Variants in ATRN observed in about 807,000 individuals in gnomAD.
The protein encoded by ATRN is attractin, also known as attractin-2.
ATRN carries 54 observed loss-of-function variants against 178.7 expected under a neutral mutation model. The observed-to-expected ratio is 0.30, with a 90% CI of 0.24 to 0.38. The LOEUF (loss-of-function observed/expected upper bound fraction) is 0.38. Ranked by LOEUF, ATRN falls within the 10% of genes least tolerant of loss-of-function variation. The probability of loss-of-function intolerance (pLI) is 1.00; values close to 1 mark genes in which losing one functional copy is unlikely to be tolerated. For missense variants in ATRN, 1,443 were observed against 1,815.1 expected (o/e 0.79, Z 3.73); for synonymous variants, 636 against 663.0 (o/e 0.96, Z 0.63).
chr20:3,507,786 G>A (rs1408378216), intron 1 of ATRN, among the ~76,000 whole-genome samples: 1 of 146,696 alleles, frequency 6.8e-6, no homozygotes, highest in African/African-American at 2.5e-5. Context: ...CCAGGTTCAA[G>A]CAATTCTCCT....
At chr20:3,609,072 C>T (rs2086722276) in intron 24 of ATRN, among the ~76,000 whole-genome samples, 1 of 151,146 alleles carries the variant, frequency 6.6e-6, no homozygotes, top group African/African-American at 2.4e-5. Flanking sequence ...TGAAGAATGT[C>T]ATTGGTGTAG....
intron 24 of ATRN, among the ~76,000 whole-genome samples, chr20:3,615,373 G>A (rs1174750995): frequency 3.4e-5 from 5 of 148,714 alleles, no homozygotes; most frequent in Non-Finnish European, 7.4e-5. Flanking sequence ...ATGTTGCAGC[G>A]AGCCAAGATT....
At chr20:3,603,197 C>T (rs944249726) in intron 23 of ATRN, among the ~76,000 whole-genome samples, 3 of 152,014 alleles carry the variant, frequency 2.0e-5, no homozygotes, top group Non-Finnish European at 2.9e-5. Flanking sequence ...ACTGTGGTAG[C>T]TGGTGGTAGA....
intron 1 of ATRN, among the ~76,000 whole-genome samples, chr20:3,484,887 A>C (rs1352704978): frequency 6.7e-6 from 1 of 150,202 alleles, no homozygotes; most frequent in Non-Finnish European, 1.5e-5. Context: ...TGATTACTAT[A>C]GTACCTAGGA....
intron 15 of ATRN, among the ~76,000 whole-genome samples, chr20:3,581,109 C>T (rs1215407385): frequency 6.6e-6 from 1 of 151,904 alleles, no homozygotes; most frequent in East Asian, 1.9e-4. Flanking sequence ...ATTAGCCGGG[C>T]ATGATGGTGG....
intron 6 of ATRN, among the ~76,000 whole-genome samples, chr20:3,551,773 G>C (rs1025042847): frequency 7.9e-5 from 12 of 152,002 alleles, no homozygotes; most frequent in African/African-American, 2.9e-4. Context: ...TCTTTTGAAA[G>C]ATAAAGGTCA....
chr20:3,570,352 A>G (rs1244622529), intron 11 of ATRN, among the ~76,000 whole-genome samples: 1 of 152,156 alleles, frequency 6.6e-6, no homozygotes, highest in Non-Finnish European at 1.5e-5. Flanking sequence ...TTCATATAAC[A>G]TATTGGTCTC....
chr20:3,593,524 T>G (rs754129990), intron 19 of ATRN, among the ~76,000 whole-genome samples: 4 of 152,140 alleles, frequency 2.6e-5, no homozygotes, highest in African/African-American at 9.7e-5. Context: ...AAGAGCCAAG[T>G]AGAGGACGCT....
chr20:3,537,362 G>GA (rs2085550412), intron 2 of ATRN, among the ~76,000 whole-genome samples: 1 of 152,150 alleles, frequency 6.6e-6, no homozygotes, highest in East Asian at 1.9e-4. Flanking sequence ...AGTAAACATG[G>GA]TAAATGGTGT....
At chr20:3,527,066 C>T (rs1186311394) in intron 1 of ATRN, among the ~76,000 whole-genome samples, 1 of 152,048 alleles carries the variant, frequency 6.6e-6, no homozygotes, top group Admixed American at 6.5e-5. Flanking sequence ...CAACAAAAGC[C>T]AAAATTGACA....
intron 15 of ATRN, among the ~76,000 whole-genome samples, chr20:3,579,265 C>T (rs746506095): frequency 6.6e-5 from 10 of 152,074 alleles, no homozygotes; most frequent in Admixed American, 1.3e-4. Context: ...GTGGGTGGAT[C>T]GCCTGAGGTC....
chr20:3,511,837 T>TG (rs1459955038), intron 1 of ATRN, among the ~76,000 whole-genome samples: 1 of 152,058 alleles, frequency 6.6e-6, no homozygotes, highest in East Asian at 1.9e-4. Context: ...ATGAAATGTG[T>TG]GGGGCATTTG....
intron 15 of ATRN, 48 bp from the exon 16 acceptor site, chr20:3,582,087 A>T (rs1387996211): frequency 1.3e-6 from 2 of 1,529,406 alleles, no homozygotes; most frequent in Non-Finnish European, 9.0e-7. Context: ...AATTTAAATT[A>T]AAAAAAGATA....
intron 24 of ATRN, among the ~76,000 whole-genome samples, chr20:3,612,436 C>T (rs1189868685): frequency 6.6e-6 from 1 of 152,128 alleles, no homozygotes. Context: ...CTGATTAGGT[C>T]AGGCCTACCC....
At position 3,613,674 on chromosome 20, in the gene ATRN, A is replaced by C. The variant is rs28656309; in HGVS notation, c.3801+9412A>C. 2.3e-4 allele frequency among the ~76,000 whole-genome samples: 35 copies of C among 152,128 alleles called. No homozygotes were observed. The East Asian group carries it at 5.0e-3, about 22-fold the overall frequency. ...CAAAGCCGTTTTGCCTTTGATTCTCATTTTTTAAATTAGATTTTAAAAATT... is the reference window on the plus strand; with the variant it reads ...CAAAGCCGTTTTGCCTTTGATTCTCCTTTTTTAAATTAGATTTTAAAAATT... On this transcript the variant is annotated intron_variant, in intron 24 of 28. Transcript: ENST00000262919.
At chr20:3,590,304 A>G (rs2086422163) in intron 18 of ATRN, among the ~76,000 whole-genome samples, 1 of 152,172 alleles carries the variant, frequency 6.6e-6, no homozygotes, top group Admixed American at 6.6e-5. Context: ...GAACAAGTAC[A>G]AGGCTATGGA....
At chr20:3,633,697 C>T (rs1430356067) in intron 25 of ATRN, among the ~76,000 whole-genome samples, 1 of 152,218 alleles carries the variant, frequency 6.6e-6, no homozygotes, top group Non-Finnish European at 1.5e-5. Context: ...CTGGTTTATA[C>T]ATGAGAGAGC....
intron 27 of ATRN, among the ~76,000 whole-genome samples, chr20:3,639,419 A>G (rs2087050539): frequency 6.6e-6 from 1 of 151,912 alleles, no homozygotes; most frequent in Non-Finnish European, 1.5e-5. Context: ...CGCCCAGCTG[A>G]TTTTTGTATT....
At position 3,492,837 on chromosome 20, in the gene ATRN, A is replaced by G. The variant is rs554316427; in HGVS notation, c.410+21320A>G. On this transcript the variant is annotated intron_variant, in intron 1 of 28. Coordinates refer to ENST00000262919, the MANE Select transcript of ATRN (RefSeq NM_139321.3). Reference sequence around the variant, plus strand: ...CAGAGAGAGAGAGAAATAGAAAGGGAGAGAGAGAGAGAGAGAGGCGCGCGC... The same window carrying G: ...CAGAGAGAGAGAGAAATAGAAAGGGGGAGAGAGAGAGAGAGAGGCGCGCGC... Among the ~76,000 whole-genome samples, 85 of 128,220 alleles carry G rather than the reference A, an allele frequency of 6.6e-4. 3 individuals are homozygous for G. The East Asian group carries it at 0.011, about 17-fold the overall frequency. The allele number at this position is 128,220 out of a possible 152,430, so 84.1% of individuals were successfully genotyped here. A position where few individuals can be genotyped will look rare whatever the true frequency, so the allele number is the denominator to read the frequency against.
Sources: allele counts gnomAD v4.1 joint callset (sites outside exome capture counted in the v4.1 genomes callset), GRCh38; gene constraint gnomAD v4.1.1; transcripts MANE v1.5; gene names NCBI Gene and HGNC (gene_info 2026-07-23, HGNC 2026-07-21).